Variants in ACTR10 observed in about 807,000 individuals in gnomAD.
The protein encoded by ACTR10 is actin related protein 10.
In ACTR10, 43 loss-of-function variants were observed where a neutral mutation model predicts 56.2. That is an observed-to-expected ratio of 0.77 (90% CI 0.60 to 0.99). The LOEUF (loss-of-function observed/expected upper bound fraction) is 0.99, where lower values mean the gene tolerates loss of function less well. Ranked by LOEUF, ACTR10 falls within the 50% of genes least tolerant of loss-of-function variation. ACTR10 has a pLI of 0.00. For missense variants in ACTR10, 466 were observed against 507.8 expected, an observed-to-expected ratio of 0.92 and a Z score of 0.79; for synonymous variants, 170 against 176.3, an observed-to-expected ratio of 0.96 and a Z score of 0.28.
chr14:58,222,764 G>GAAAA (rs58412717), intron 8 of ACTR10, among the ~76,000 whole-genome samples: 2 of 76,328 alleles, frequency 2.6e-5, no homozygotes, highest in African/African-American at 4.9e-5. Context: ...GACTCTGTCA[G>GAAAA]AAAAAAAAAA....
In ACTR10 at chr14:58,232,061, A is replaced by T; in HGVS notation, c.871-5A>T. 1.3e-6 allele frequency: 2 copies of T among 1,598,116 alleles called. No homozygotes were observed. The highest frequency in any genetic ancestry group is 1.7e-5 in the Admixed American group (1 of 57,324). On this transcript the variant is annotated splice_polypyrimidine_tract_variant and splice_region_variant and intron_variant, in intron 11 of 12. Transcript: ENST00000254286. ...AAATCCTTCTTTTTTTCTTTTTAAT[A>T]ACAGTGTCCGATAGACACCAGGAAG...
chr14:58,231,013 TC>T, intron 11 of ACTR10: 1 of 281,150 alleles, frequency 3.6e-6, no homozygotes, highest in South Asian at 2.8e-5. Context: ...CGCCTCGGCC[TC>T]CCAAAGTGCT....
chr14:58,225,610 T>C (rs1206098510), intron 10 of ACTR10, among the ~76,000 whole-genome samples: 1 of 152,192 alleles, frequency 6.6e-6, no homozygotes, highest in Non-Finnish European at 1.5e-5. Context: ...TTTATTAAAT[T>C]ACTTTTTAAA....
chr14:58,225,779 C>G (rs1453284341), intron 10 of ACTR10, among the ~76,000 whole-genome samples: 1 of 151,232 alleles, frequency 6.6e-6, no homozygotes, highest in Non-Finnish European at 1.5e-5. Flanking sequence ...CTGGCGCGGT[C>G]TCGGCTCACT....
At chr14:58,232,378 A>T in intron 12 of ACTR10, 111 bp downstream of exon 12, 1 of 571,278 alleles carries the variant, frequency 1.8e-6, no homozygotes. Flanking sequence ...TGCCCACTTT[A>T]TAAATAGAAC....
intron 11 of ACTR10, chr14:58,231,110 A>T: frequency 5.7e-6 from 2 of 347,916 alleles, no homozygotes; most frequent in Non-Finnish European, 1.2e-5. Context: ...CTGGAGTGCA[A>T]TGGCATGATC....
At chr14:58,205,542 C>G (rs1205837572) in intron 2 of ACTR10, among the ~76,000 whole-genome samples, 2 of 151,964 alleles carry the variant, frequency 1.3e-5, no homozygotes, top group East Asian at 3.9e-4. Context: ...GTCTGTATCT[C>G]CTGACCTCGT....
chr14:58,215,123 A>T, intron 6 of ACTR10, 82 bp from the exon 7 acceptor site: 1 of 848,984 alleles, frequency 1.2e-6, no homozygotes, highest in Non-Finnish European at 1.8e-6. Context: ...AATCATAATA[A>T]TCTATTATGT....
chr14:58,231,451 C>T (rs2065837580), intron 11 of ACTR10, among the ~76,000 whole-genome samples: 1 of 152,138 alleles, frequency 6.6e-6, no homozygotes, highest in Admixed American at 6.5e-5. Context: ...ATTTTAAATT[C>T]CACAGGACAT....
chr14:58,220,396 G>A (rs777307410), intron 8 of ACTR10, among the ~76,000 whole-genome samples: 11 of 152,038 alleles, frequency 7.2e-5, no homozygotes, highest in Non-Finnish European at 1.6e-4. Flanking sequence ...AAGTAGGTAG[G>A]GTTAGAGCTC....
chr14:58,224,315 A>G (rs994499659), intron 10 of ACTR10, among the ~76,000 whole-genome samples: 1 of 151,890 alleles, frequency 6.6e-6, no homozygotes, highest in African/African-American at 2.4e-5. Context: ...TCAGCTTTTT[A>G]AATTTTTAAA....
chr14:58,223,556 G>T, intron 8 of ACTR10, 66 bp from the exon 9 acceptor site: 2 of 1,254,834 alleles, frequency 1.6e-6, no homozygotes, highest in South Asian at 2.7e-5. Context: ...TTTTAACTGG[G>T]GTGTAGGTAC....
At chr14:58,200,360 T>C in intron 1 of ACTR10, 66 bp downstream of exon 1, 1 of 1,344,958 alleles carries the variant, frequency 7.4e-7, no homozygotes, top group Non-Finnish European at 9.7e-7. Context: ...CCCCAGGCAC[T>C]GCCTGGGTCC....
At position 58,211,305 on chromosome 14, in the gene ACTR10, T is replaced by C. The variant is rs1888986876; in HGVS notation, c.356T>C (p.Leu119Ser). Residue 119 changes from leucine to serine, a missense_variant, in exon 5 of 13, where the codon TTG (leucine) becomes TCG (serine). By Grantham distance (145) the Leu-to-Ser change is moderately radical. Coordinates refer to ENST00000254286, the MANE Select transcript of ACTR10 (RefSeq NM_018477.3). ...GTTATTTTCTAGGTTCCATCTGTCT[T>C]GCTTGCTCCAAGTCATCTAATGGCT... ...LFKYFEVPSV[L>S]LAPSHLMALL... The C allele has an allele frequency of 6.2e-7, 1 of 1,613,294 alleles. No homozygotes were observed. The highest frequency in any genetic ancestry group is 1.1e-5 in the South Asian group (1 of 91,038).
At chr14:58,225,751 C>T (rs1328875847) in intron 10 of ACTR10, among the ~76,000 whole-genome samples, 3 of 150,742 alleles carry the variant, frequency 2.0e-5, no homozygotes, top group Admixed American at 6.6e-5. Context: ...TTGCTCTTTT[C>T]CCCCAGGCTG....
chr14:58,230,618 T>A, intron 11 of ACTR10, 138 bp downstream of exon 11: 1 of 418,646 alleles, frequency 2.4e-6, no homozygotes, highest in Non-Finnish European at 4.2e-6. Context: ...CTTATTAAAT[T>A]TTATTAATTT....
intron 10 of ACTR10, among the ~76,000 whole-genome samples, chr14:58,226,646 G>C (rs1015735545): frequency 6.6e-6 from 1 of 151,872 alleles, no homozygotes; most frequent in Non-Finnish European, 1.5e-5. Flanking sequence ...TGTTGCCCAG[G>C]CTGGAGTGCA....
chr14:58,215,176 T>G (rs923208448), intron 6 of ACTR10, 29 bp from the exon 7 acceptor site: 1 of 1,384,118 alleles, frequency 7.2e-7, no homozygotes, highest in Admixed American at 2.0e-5. Context: ...AATATTTTCA[T>G]TCCAGTAACT....
intron 8 of ACTR10, among the ~76,000 whole-genome samples, chr14:58,221,305 A>T (rs1044375470): frequency 7.2e-6 from 1 of 138,376 alleles, no homozygotes; most frequent in African/African-American, 2.7e-5. Context: ...AAAAAAAAAT[A>T]TATGCAGGCT....
Sources: allele counts gnomAD v4.1 joint callset (sites outside exome capture counted in the v4.1 genomes callset), GRCh38; gene constraint gnomAD v4.1.1; transcripts MANE v1.5; gene names NCBI Gene and HGNC (gene_info 2026-07-23, HGNC 2026-07-21).